The following CSMD3 variants were observed in gnomAD, a reference collection of about 807,000 sequenced individuals.
The protein encoded by CSMD3 is CUB and Sushi multiple domains 3, also known as CUB and sushi domain-containing protein 3.
CSMD3 carries 177 observed loss-of-function variants against 435.2 expected under a neutral mutation model. The observed-to-expected ratio is 0.41, with a 90% confidence interval of 0.36 to 0.46. The LOEUF is 0.46. Ranked by LOEUF, CSMD3 falls within the 20% of genes least tolerant of loss-of-function variation. The pLI is 0.34. For missense variants in CSMD3, 4,265 were observed against 4,504.6 expected (o/e 0.95, Z 1.52); for synonymous variants, 1,656 against 1,520.5 (o/e 1.09, Z -2.07).
At position 112,544,883 on chromosome 8, in the gene CSMD3, G is replaced by T. The variant is rs192449713; in HGVS notation, c.4564+5788C>A. On this transcript the variant is annotated intron_variant, in intron 27 of 70. Coordinates refer to ENST00000297405, the MANE Select transcript of CSMD3 (RefSeq NM_198123.2). ...AACATTTAATTTTTAAAATCTCATT[G>T]CTGCCATAAAGGTCTATTGCAAGAT... Among the ~76,000 whole-genome samples, 41 of 152,220 alleles carry T rather than the reference G, an allele frequency of 2.7e-4. No homozygotes were observed. In the East Asian group the frequency reaches 6.0e-3, roughly 22 times the overall value.
intron 22 of CSMD3, among the ~76,000 whole-genome samples, chr8:112,611,472 T>G (rs1833255823): frequency 6.6e-6 from 1 of 152,166 alleles, no homozygotes; most frequent in Non-Finnish European, 1.5e-5. Flanking sequence ...TAGAGACGAG[T>G]AGTCCAACTT....
chr8:112,467,474 T>G (rs1029681968), intron 32 of CSMD3, among the ~76,000 whole-genome samples: 7 of 152,166 alleles, frequency 4.6e-5, no homozygotes, highest in East Asian at 1.9e-4. Context: ...TCCACACAGC[T>G]GATGCGTGCT....
At chr8:112,267,126 G>A (rs1307493931) in intron 59 of CSMD3, among the ~76,000 whole-genome samples, 1 of 152,050 alleles carries the variant, frequency 6.6e-6, no homozygotes, top group East Asian at 1.9e-4. Context: ...GAACACCTTA[G>A]TTACATTGTA....
rs900615747 is a variant in CSMD3, at chr8:112,324,051, G to C, written c.7166-4070C>G. Among the ~76,000 whole-genome samples the C allele has an allele frequency of 2.0e-5, 3 of 152,088 alleles. No individual in the cohort carries two copies. The South Asian group carries it at 6.2e-4, about 32-fold the overall frequency. On this transcript the variant is annotated intron_variant, in intron 45 of 70. Coordinates refer to ENST00000297405, the MANE Select transcript of CSMD3 (RefSeq NM_198123.2). Reference sequence around the variant, plus strand: ...ACCTCATTTTGAATATCATTTTGTTGCTGCCATTTCCCTATTTTCAATTTA... The same window carrying C: ...ACCTCATTTTGAATATCATTTTGTTCCTGCCATTTCCCTATTTTCAATTTA...
intron 22 of CSMD3, among the ~76,000 whole-genome samples, chr8:112,598,628 G>A (rs1221370613): frequency 6.7e-6 from 1 of 149,364 alleles, no homozygotes; most frequent in African/African-American, 2.5e-5. Flanking sequence ...ATACTACAAG[G>A]CTACAGTAAC....
rs1438452442 is a variant in CSMD3, at chr8:113,088,414, T to G, written c.917+10342A>C. On this transcript the variant is annotated intron_variant, in intron 5 of 70. Transcript: ENST00000297405. ...TGCTATAAAGACACATGCACACGTA[T>G]GTTTATTGTGGCACTATTCACAATA... Among the ~76,000 whole-genome samples, 318 of 147,730 alleles carry G rather than the reference T, an allele frequency of 2.2e-3. 1 individual carries two copies. Among genetic ancestry groups the G allele is most frequent in the African/African-American group, 7.7e-3 (305 of 39,440 alleles).
intron 4 of CSMD3, among the ~76,000 whole-genome samples, chr8:113,166,222 T>C (rs2092146200): frequency 6.6e-6 from 1 of 152,072 alleles, no homozygotes; most frequent in South Asian, 2.1e-4. Context: ...TATGAGTTTA[T>C]GGCTGGGTGC....
chr8:112,525,821 TAAA>T (rs200958191), intron 27 of CSMD3, among the ~76,000 whole-genome samples: 37 of 132,510 alleles, frequency 2.8e-4, no homozygotes, highest in African/African-American at 9.0e-4. Flanking sequence ...CACACACATA[TAAA>T]AAATATATAT....
intron 32 of CSMD3, among the ~76,000 whole-genome samples, chr8:112,430,103 G>T (rs1291921659): frequency 6.6e-6 from 1 of 152,026 alleles, no homozygotes; most frequent in African/African-American, 2.4e-5. Flanking sequence ...TGGGAGAAAA[G>T]CAAACCTGTT....
At chr8:112,545,356 G>A (rs554245606) in intron 27 of CSMD3, among the ~76,000 whole-genome samples, 1 of 151,510 alleles carries the variant, frequency 6.6e-6, no homozygotes, top group Non-Finnish European at 1.5e-5. Flanking sequence ...GGTGGCACGC[G>A]CCTGTAATCC....
intron 38 of CSMD3, among the ~76,000 whole-genome samples, chr8:112,358,932 TAA>T (rs941063342): frequency 6.6e-6 from 1 of 152,146 alleles, no homozygotes; most frequent in African/African-American, 2.4e-5. Flanking sequence ...TATGTTTTTT[TAA>T]AAAAGAGTTT....
chr8:112,340,197 T>A (rs1165235536), intron 42 of CSMD3, among the ~76,000 whole-genome samples: 1 of 152,186 alleles, frequency 6.6e-6, no homozygotes, highest in Admixed American at 6.5e-5. Context: ...TGGTTCTGAG[T>A]CTTCTAGCAG....
intron 63 of CSMD3, among the ~76,000 whole-genome samples, chr8:112,253,556 T>C (rs978104543): frequency 6.6e-6 from 1 of 151,928 alleles, no homozygotes; most frequent in Non-Finnish European, 1.5e-5. Flanking sequence ...ACAGGGCAAT[T>C]GGGTAATGTG....
intron 12 of CSMD3, among the ~76,000 whole-genome samples, chr8:112,810,047 G>A (rs1175722936): frequency 1.3e-5 from 2 of 152,016 alleles, no homozygotes; most frequent in African/African-American, 4.8e-5. Flanking sequence ...TCACTCCACT[G>A]CTTAAAAACC....
intron 10 of CSMD3, among the ~76,000 whole-genome samples, chr8:112,907,044 A>G (rs1364473569): frequency 6.6e-6 from 1 of 151,604 alleles, no homozygotes; most frequent in East Asian, 1.9e-4. Flanking sequence ...ATTTGTGGAG[A>G]AACTACTGGT....
intron 32 of CSMD3, among the ~76,000 whole-genome samples, chr8:112,459,478 G>A (rs1817222653): frequency 6.6e-6 from 1 of 152,006 alleles, no homozygotes; most frequent in African/African-American, 2.4e-5. Flanking sequence ...AGCGGCCAGA[G>A]AATTATGGAG....
intron 27 of CSMD3, among the ~76,000 whole-genome samples, chr8:112,526,654 T>C (rs1824999788): frequency 6.6e-6 from 1 of 152,084 alleles, no homozygotes; most frequent in African/African-American, 2.4e-5. Flanking sequence ...TACATTTGTA[T>C]TTTATCACAA....
At chr8:113,413,243 A>T (rs1369213558) in intron 1 of CSMD3, among the ~76,000 whole-genome samples, 1 of 152,156 alleles carries the variant, frequency 6.6e-6, no homozygotes, top group Non-Finnish European at 1.5e-5. Context: ...TTTAAAATTA[A>T]CATAATATAA....
chr8:112,596,561 A>C (rs2131392694), intron 22 of CSMD3, among the ~76,000 whole-genome samples: 2 of 152,278 alleles, frequency 1.3e-5, no homozygotes, highest in South Asian at 4.1e-4. Context: ...AACAGAATAC[A>C]CATTTTTTTC....
Sources: allele counts gnomAD v4.1 joint callset (sites outside exome capture counted in the v4.1 genomes callset), GRCh38; gene constraint gnomAD v4.1.1; transcripts MANE v1.5; gene names NCBI Gene and HGNC (gene_info 2026-07-23, HGNC 2026-07-21).